ENDOD1: variants seen among roughly 807,000 people sequenced by gnomAD.
ENDOD1 encodes the protein endonuclease domain-containing 1 protein.
A neutral mutation model predicts 6.5 loss-of-function variants in ENDOD1; 9 were observed. The observed-to-expected ratio is 1.39, with a 90% CI of 0.84 to 2.43. ENDOD1 has a LOEUF of 2.43. ENDOD1 is among the 30% of genes most tolerant of loss of function. The pLI is 0.00. For missense variants in ENDOD1, 648 were observed against 635.5 expected (o/e 1.02, Z -0.21); for synonymous variants, 255 against 255.2 (o/e 1.00, Z 0.01).
chr11:95,105,340 A>G (rs1207321544), intron 1 of ENDOD1, among the ~76,000 whole-genome samples: 1 of 152,226 alleles, frequency 6.6e-6, no homozygotes, highest in Non-Finnish European at 1.5e-5. Context: ...GTATACTTGA[A>G]ATCATCTGTA....
intron 1 of ENDOD1, among the ~76,000 whole-genome samples, chr11:95,092,378 C>A (rs555282231): frequency 2.0e-5 from 3 of 151,726 alleles, no homozygotes; most frequent in Non-Finnish European, 4.4e-5. Flanking sequence ...AGGAGTGAGT[C>A]GTAAAGGAGC....
intron 1 of ENDOD1, among the ~76,000 whole-genome samples, chr11:95,107,159 T>A (rs1434106690): frequency 6.6e-6 from 1 of 151,072 alleles, no homozygotes; most frequent in Non-Finnish European, 1.5e-5. Flanking sequence ...ACCCTGATGC[T>A]GGGGTTGGGT....
At chr11:95,125,752 G>A (rs922191984) in intron 1 of ENDOD1, among the ~76,000 whole-genome samples, 3 of 151,990 alleles carry the variant, frequency 2.0e-5, no homozygotes, top group African/African-American at 7.3e-5. Context: ...CTTCATCCGT[G>A]TCCCTACAAA....
chr11:95,107,966 C>T (rs1384163045), intron 1 of ENDOD1, among the ~76,000 whole-genome samples: 2 of 151,298 alleles, frequency 1.3e-5, no homozygotes, highest in Non-Finnish European at 2.9e-5. Flanking sequence ...CGCGCCCGGC[C>T]GGAGTCCGCA....
At chr11:95,120,212 C>T (rs962416243) in intron 1 of ENDOD1, among the ~76,000 whole-genome samples, 2 of 152,084 alleles carry the variant, frequency 1.3e-5, no homozygotes, top group Non-Finnish European at 2.9e-5. Flanking sequence ...ACTTTTTCCT[C>T]CACTTTTCTT....
At chr11:95,105,863 G>A (rs1478461288) in intron 1 of ENDOD1, among the ~76,000 whole-genome samples, 1 of 152,162 alleles carries the variant, frequency 6.6e-6, no homozygotes, top group Non-Finnish European at 1.5e-5. Flanking sequence ...AGAATTAAGA[G>A]AGCCAACCAG....
intron 1 of ENDOD1, among the ~76,000 whole-genome samples, chr11:95,107,300 C>T (rs1354011762): frequency 6.6e-6 from 1 of 150,734 alleles, no homozygotes; most frequent in Non-Finnish European, 1.5e-5. Context: ...GGACACTACC[C>T]TCCAGCCTGG....
At chr11:95,096,901 G>T (rs1302430774) in intron 1 of ENDOD1, among the ~76,000 whole-genome samples, 2 of 152,176 alleles carry the variant, frequency 1.3e-5, no homozygotes, top group Non-Finnish European at 2.9e-5. Flanking sequence ...GGTGGCTCAT[G>T]CCTGTAATCC....
chr11:95,117,808 T>C (rs1859225625), intron 1 of ENDOD1, among the ~76,000 whole-genome samples: 1 of 152,132 alleles, frequency 6.6e-6, no homozygotes, highest in African/African-American at 2.4e-5. Context: ...TGTTGTTTTC[T>C]GGTTGTCTTG....
intron 1 of ENDOD1, among the ~76,000 whole-genome samples, chr11:95,095,752 G>A (rs762827981): frequency 1.3e-5 from 2 of 152,152 alleles, no homozygotes; most frequent in Non-Finnish European, 2.9e-5. Flanking sequence ...GGAAACTGAG[G>A]TTCGGAGTAG....
chr11:95,099,577 C>A (rs1859018142), intron 1 of ENDOD1, among the ~76,000 whole-genome samples: 1 of 152,238 alleles, frequency 6.6e-6, no homozygotes, highest in Admixed American at 6.5e-5. Flanking sequence ...GGAAGACCAG[C>A]AGAACACTTA....
intron 1 of ENDOD1, among the ~76,000 whole-genome samples, chr11:95,106,476 T>C (rs1859090391): frequency 6.6e-6 from 1 of 152,204 alleles, no homozygotes; most frequent in Non-Finnish European, 1.5e-5. Context: ...GGCCTATGAA[T>C]ATGCCAGTTT....
chr11:95,115,545 GA>G, intron 1 of ENDOD1, among the ~76,000 whole-genome samples: 1 of 152,176 alleles, frequency 6.6e-6, no homozygotes, highest in East Asian at 1.9e-4. Flanking sequence ...GTTGCATAAT[GA>G]TGGTGAAAGT....
chr11:95,120,584 A>G (rs1267462925), intron 1 of ENDOD1, among the ~76,000 whole-genome samples: 2 of 151,988 alleles, frequency 1.3e-5, no homozygotes, highest in Non-Finnish European at 2.9e-5. Context: ...CTTCTCAAGC[A>G]GAAGGAAGAG....
At chr11:95,122,513 TA>T (rs1474322593) in intron 1 of ENDOD1, among the ~76,000 whole-genome samples, 1 of 230 alleles carries the variant, frequency 4.3e-3, no homozygotes, top group Non-Finnish European at 0.011. Context: ...GCTGGGTTTA[TA>T]TGTGCGTGAG....
chr11:95,127,511 A>C (rs1208156921), intron 1 of ENDOD1, among the ~76,000 whole-genome samples: 1 of 152,180 alleles, frequency 6.6e-6, no homozygotes. Flanking sequence ...CAGACTGTAC[A>C]TTTTCCCCCA....
rs1555110294 is a variant in ENDOD1 at position 95,096,252 on chromosome 11, T to TC, written c.300+6026dup. On this transcript the variant is annotated intron_variant, in intron 1 of 1. Coordinates refer to ENST00000278505, the MANE Select transcript of ENDOD1 (RefSeq NM_015036.3). Reference sequence around the variant, plus strand: ...CTTTTTTTTTTTTTTTTTTTTTTTTTCAAATTTCCTCCTTCAAGATGCATG... The same window carrying TC: ...CTTTTTTTTTTTTTTTTTTTTTTTTTCCAAATTTCCTCCTTCAAGATGCATG... Among the ~76,000 whole-genome samples the TC allele has an allele frequency of 1.0e-3, 141 of 138,444 alleles. 1 individual carries two copies. Among genetic ancestry groups the TC allele is most frequent in the Non-Finnish European group, 1.7e-3 (112 of 64,266 alleles). The allele number at this position is 138,444 out of a possible 152,430, so 90.8% of individuals were successfully genotyped here.
chr11:95,119,600 T>C (rs947026948), intron 1 of ENDOD1, among the ~76,000 whole-genome samples: 1 of 152,164 alleles, frequency 6.6e-6, no homozygotes, highest in African/African-American at 2.4e-5. Flanking sequence ...GCTAGGACTG[T>C]GGTGGGTCAG....
At chr11:95,099,998 GA>G (rs1234027061) in intron 1 of ENDOD1, among the ~76,000 whole-genome samples, 4 of 152,156 alleles carry the variant, frequency 2.6e-5, no homozygotes, top group Non-Finnish European at 5.9e-5. Context: ...GAAACACAGG[GA>G]AAAGAAAGCC....
Sources: allele counts gnomAD v4.1 joint callset (sites outside exome capture counted in the v4.1 genomes callset), GRCh38; gene constraint gnomAD v4.1.1; transcripts MANE v1.5; gene names NCBI Gene and HGNC (gene_info 2026-07-23, HGNC 2026-07-21).